COP1: variants seen among roughly 807,000 people sequenced by gnomAD.
COP1 encodes the protein COP1 E3 ubiquitin ligase.
Under a neutral mutation model 101.3 loss-of-function variants are expected in COP1, and 24 were observed. The ratio of observed to expected loss-of-function variants is 0.24; its 90% CI spans 0.17 to 0.33. COP1 has a LOEUF of 0.33. Ranked by LOEUF, COP1 falls within the 10% of genes least tolerant of loss-of-function variation. The pLI is 1.00. For synonymous variants in COP1, 347 were observed against 341.9 expected (o/e 1.01, Z -0.17); for missense variants, 663 against 906.2 (o/e 0.73, Z 3.45).
At chr1:176,150,298 C>A (rs1257645490) in intron 5 of COP1, among the ~76,000 whole-genome samples, 1 of 152,160 alleles carries the variant, frequency 6.6e-6, no homozygotes, top group Admixed American at 6.5e-5. Flanking sequence ...AAAATATGAA[C>A]TGATAATCAC....
At chr1:176,072,804 T>C (rs1308865718) in intron 11 of COP1, among the ~76,000 whole-genome samples, 1 of 152,178 alleles carries the variant, frequency 6.6e-6, no homozygotes, top group East Asian at 1.9e-4. Flanking sequence ...TTGAATAGTT[T>C]CAAACTATGG....
At chr1:176,005,847 T>C (rs1027049705) in intron 15 of COP1, among the ~76,000 whole-genome samples, 2 of 152,192 alleles carry the variant, frequency 1.3e-5, no homozygotes, top group Non-Finnish European at 2.9e-5. Context: ...TGGAGAGTTC[T>C]GTAGATGTCT....
chr1:176,021,375 A>C (rs954102696), intron 15 of COP1, among the ~76,000 whole-genome samples: 1 of 152,196 alleles, frequency 6.6e-6, no homozygotes, highest in Non-Finnish European at 1.5e-5. Context: ...AAGATTGTAC[A>C]AACTCAGCAG....
At chr1:176,150,474 G>A (rs1692246635) in intron 5 of COP1, among the ~76,000 whole-genome samples, 1 of 152,162 alleles carries the variant, frequency 6.6e-6, no homozygotes, top group African/African-American at 2.4e-5. Context: ...CTGTCACACA[G>A]AACAAACTCA....
Position 176,008,118 on chromosome 1 carries a change from C to T in COP1, c.1730-18639G>A, listed in dbSNP as rs556831750. ...AGTGACCCGATTTTCCAGGTGCGTC[C>T]GTCACCCCTTTCTTTGACTCGGAAA... On this transcript the variant is annotated intron_variant, in intron 15 of 19. Transcript: ENST00000367669. 1.3e-3 allele frequency among the ~76,000 whole-genome samples: 196 copies of T among 152,098 alleles called. 1 individual carries two copies. The highest frequency in any genetic ancestry group is 4.5e-3 in the African/African-American group (186 of 41,492).
chr1:176,206,507 C>T lies in COP1; in HGVS notation c.407+65G>A, dbSNP rs976245589. 1.3e-5 allele frequency: 21 copies of T among 1,572,090 alleles called. No individual in the cohort carries two copies. In the African/African-American group the frequency reaches 1.8e-4, roughly 13 times the overall value. On this transcript the variant is annotated intron_variant, in intron 1 of 19. Transcript: ENST00000367669. The stretch of plus-strand genomic sequence containing the variant: ...AGCCACCCCCACACCAGACCCCCCG[C>T]CCCCAAGCCTAAGCGGCAGAAACTC...
At chr1:176,072,677 C>G (rs1677215015) in intron 11 of COP1, among the ~76,000 whole-genome samples, 1 of 152,150 alleles carries the variant, frequency 6.6e-6, no homozygotes, top group Non-Finnish European at 1.5e-5. Context: ...CACAAGCACT[C>G]TACAATAAGG....
chr1:176,201,765 C>T (rs1700283463), intron 1 of COP1, among the ~76,000 whole-genome samples: 1 of 152,310 alleles, frequency 6.6e-6, no homozygotes, highest in East Asian at 1.9e-4. Flanking sequence ...TCTGACAGTA[C>T]CAATAGGTCT....
chr1:176,002,506 T>TCCC (rs564925316), intron 15 of COP1, among the ~76,000 whole-genome samples: 2 of 119,042 alleles, frequency 1.7e-5, no homozygotes, highest in African/African-American at 6.3e-5. Flanking sequence ...CCCTTCCCCT[T>TCCC]CCCCCCCACC....
chr1:176,103,657 T>G (rs1683815960), intron 9 of COP1, among the ~76,000 whole-genome samples: 1 of 152,228 alleles, frequency 6.6e-6, no homozygotes, highest in African/African-American at 2.4e-5. Context: ...TTCTGGATTT[T>G]TAGATTTCAG....
At chr1:175,989,700 G>A (rs1454577997) in intron 15 of COP1, among the ~76,000 whole-genome samples, 6 of 151,982 alleles carry the variant, frequency 3.9e-5, no homozygotes. Flanking sequence ...ATCAATCTTT[G>A]TTTTAATGAT....
At chr1:176,128,288 T>TA (rs1688359077) in intron 8 of COP1, among the ~76,000 whole-genome samples, 1 of 152,224 alleles carries the variant, frequency 6.6e-6, no homozygotes, top group South Asian at 2.1e-4. Context: ...TTTCAGAACT[T>TA]ACTGAATTTC....
chr1:176,031,296 A>C (rs1668609850), intron 14 of COP1, among the ~76,000 whole-genome samples: 1 of 152,194 alleles, frequency 6.6e-6, no homozygotes, highest in Admixed American at 6.5e-5. Context: ...TCGAAAGATA[A>C]AATAGTATAA....
At chr1:175,980,412 A>G (rs1445453538) in intron 18 of COP1, among the ~76,000 whole-genome samples, 1 of 135,972 alleles carries the variant, frequency 7.4e-6, no homozygotes, top group African/African-American at 2.6e-5. Flanking sequence ...ATTTCATCAT[A>G]TAACAAAAAA....
chr1:176,070,554 C>T (rs1004376062), intron 11 of COP1, among the ~76,000 whole-genome samples: 11 of 151,946 alleles, frequency 7.2e-5, no homozygotes, highest in African/African-American at 2.2e-4. Flanking sequence ...CCCAGCCACT[C>T]GGGAGGCTGA....
chr1:176,091,655 A>G (rs1681341501), intron 9 of COP1, among the ~76,000 whole-genome samples: 2 of 152,180 alleles, frequency 1.3e-5, no homozygotes, highest in African/African-American at 4.8e-5. Context: ...AAGTGTGAAT[A>G]AATTTCAAAG....
intron 15 of COP1, among the ~76,000 whole-genome samples, chr1:176,012,707 C>G (rs1557921091): frequency 6.6e-6 from 1 of 152,036 alleles, no homozygotes; most frequent in South Asian, 2.1e-4. Context: ...CTTACTGTAG[C>G]TTTTCTACAT....
intron 1 of COP1, among the ~76,000 whole-genome samples, chr1:176,186,662 T>A (rs377355208): frequency 2.0e-5 from 3 of 152,314 alleles, no homozygotes; most frequent in Middle Eastern, 6.8e-3. Context: ...TGATGGGATT[T>A]GACACAGTAA....
chr1:176,047,859 G>A (rs1344237579), intron 11 of COP1, among the ~76,000 whole-genome samples: 1 of 152,172 alleles, frequency 6.6e-6, no homozygotes, highest in Non-Finnish European at 1.5e-5. Flanking sequence ...AGGATCCCTT[G>A]AGTCCAGGAG....
Sources: gnomAD v4.1 joint callset for allele counts (sites outside exome capture counted in the v4.1 genomes callset) on GRCh38, gnomAD v4.1.1 for gene constraint, MANE v1.5 for transcripts, NCBI Gene and HGNC (gene_info 2026-07-23, HGNC 2026-07-21) for gene names.